The following LRP1B variants were observed in gnomAD, a reference collection of about 807,000 sequenced individuals.
LRP1B encodes LDL receptor related protein 1B.
In LRP1B, 217 loss-of-function variants were observed where a neutral mutation model predicts 556.6. The ratio of observed to expected loss-of-function variants is 0.39; its 90% CI spans 0.35 to 0.44. LRP1B has a LOEUF of 0.44. Among genes scored for constraint, LRP1B ranks in the 20% least tolerant of loss-of-function variants. LRP1B has a pLI of 1.00. For missense variants in LRP1B, 5,053 were observed against 5,620.8 expected (o/e 0.90, Z 3.23); for synonymous variants, 2,047 against 1,865.8 (o/e 1.10, Z -2.50).
chr2:140,561,309 A>G (rs988317293), intron 43 of LRP1B, among the ~76,000 whole-genome samples: 1 of 152,150 alleles, frequency 6.6e-6, no homozygotes, highest in African/African-American at 2.4e-5. Flanking sequence ...ACAGAATCCA[A>G]AAAGAATCTG....
chr2:141,253,743 C>T (rs535537203), intron 4 of LRP1B, among the ~76,000 whole-genome samples: 1 of 152,000 alleles, frequency 6.6e-6, no homozygotes, highest in South Asian at 2.1e-4. Context: ...TTATTAGTGG[C>T]TCTGGCAATG....
chr2:140,974,374 T>C (rs7588680), intron 18 of LRP1B, among the ~76,000 whole-genome samples: 111,866 of 152,148 alleles, frequency 0.74, 41,670 homozygotes, highest in Admixed American at 0.79. Context: ...AGTCTCTAAT[T>C]CTGTGAGAAT....
chr2:141,087,948 G>T (rs974158612), intron 7 of LRP1B, among the ~76,000 whole-genome samples: 1 of 152,224 alleles, frequency 6.6e-6, no homozygotes, highest in Admixed American at 6.5e-5. Context: ...GAAGCTAGAA[G>T]AAATTAAGTG....
chr2:140,760,121 T>C (rs80119935), intron 35 of LRP1B, among the ~76,000 whole-genome samples: 1,726 of 152,238 alleles, frequency 0.011, 44 homozygotes, highest in African/African-American at 0.039. Context: ...AAAAGCTAGG[T>C]ACTAATGAAA....
At chr2:141,218,198 C>T (rs578250603) in intron 6 of LRP1B, among the ~76,000 whole-genome samples, 1 of 152,220 alleles carries the variant, frequency 6.6e-6, no homozygotes, top group Non-Finnish European at 1.5e-5. Flanking sequence ...ATTGTAAATT[C>T]GTTCAGCCAC....
chr2:142,028,459 T>C (rs1703579493), intron 1 of LRP1B, among the ~76,000 whole-genome samples: 1 of 151,982 alleles, frequency 6.6e-6, no homozygotes, highest in Non-Finnish European at 1.5e-5. Flanking sequence ...TCTGGCTTCT[T>C]TCACTTAGCT....
chr2:140,393,137 C>T (rs1026377268), intron 66 of LRP1B, among the ~76,000 whole-genome samples: 2 of 137,926 alleles, frequency 1.5e-5, no homozygotes, highest in Non-Finnish European at 3.3e-5. Context: ...TCTAAGTTTC[C>T]CATTCTACAT....
intron 18 of LRP1B, among the ~76,000 whole-genome samples, chr2:140,954,793 G>T (rs1338607323): frequency 2.0e-5 from 3 of 151,892 alleles, no homozygotes; most frequent in Non-Finnish European, 4.4e-5. Context: ...TATATCATAT[G>T]TGATTAATTT....
At chr2:141,952,933 T>C (rs769447466) in intron 1 of LRP1B, among the ~76,000 whole-genome samples, 1 of 152,130 alleles carries the variant, frequency 6.6e-6, no homozygotes, top group Non-Finnish European at 1.5e-5. Flanking sequence ...AGAAGATTTT[T>C]TACCGTGTAT....
intron 2 of LRP1B, among the ~76,000 whole-genome samples, chr2:141,784,853 T>C (rs1383821126): frequency 1.3e-5 from 2 of 152,008 alleles, no homozygotes; most frequent in East Asian, 3.9e-4. Context: ...TTTTCTTAAT[T>C]CTTGCCCAAT....
Position 141,304,496 on chromosome 2 carries a change from T to G in LRP1B, c.344-49855A>C, listed in dbSNP as rs566224716. The stretch of plus-strand genomic sequence containing the variant: ...ATTCATTTTTTTTTTTTTTTTTTTT[T>G]TGAGATGGAGTCTCGTTCTGCCACC... On this transcript the variant is annotated intron_variant, in intron 3 of 90. Transcript: ENST00000389484. Among the ~76,000 whole-genome samples, 54 of 98,494 alleles carry G rather than the reference T, an allele frequency of 5.5e-4. 1 individual carries two copies. In the South Asian group the frequency reaches 0.018, roughly 32 times the overall value. The allele number at this position is 98,494 out of a possible 152,430, so 64.6% of individuals were successfully genotyped here.
chr2:140,444,975 G>C (rs868372411), intron 63 of LRP1B, among the ~76,000 whole-genome samples: 2 of 152,196 alleles, frequency 1.3e-5, no homozygotes, highest in South Asian at 2.1e-4. Flanking sequence ...TTAATGAAAT[G>C]ATATTGAGAG....
Position 141,510,236 on chromosome 2 carries a change from C to CACACACACACACA in LRP1B, c.206-29704_206-29703insTGTGTGTGTGTGT, listed in dbSNP as rs1553524111. ...CACACACACACACACACACACACAC[C>CACACACACACACA]CCCCACAGTCATTTGATGATATTTC... is the stretch of plus-strand genomic sequence containing the variant. On this transcript the variant is annotated intron_variant, in intron 2 of 90. Transcript: ENST00000389484. 2.9e-3 allele frequency among the ~76,000 whole-genome samples: 381 copies of CACACACACACACA among 132,240 alleles called. 4 individuals are homozygous for CACACACACACACA. The highest frequency in any genetic ancestry group is 8.3e-3 in the African/African-American group (305 of 36,730). 86.8% of individuals were successfully genotyped at this position (132,240 alleles called of 152,430 possible). A position where few individuals can be genotyped will look rare whatever the true frequency, so the allele number is the denominator to read the frequency against.
chr2:140,897,198 T>G (rs2105213111), intron 23 of LRP1B, among the ~76,000 whole-genome samples: 1 of 152,276 alleles, frequency 6.6e-6, no homozygotes, highest in East Asian at 1.9e-4. Flanking sequence ...ATCTTAACAG[T>G]GAGAAATCAT....
intron 86 of LRP1B, among the ~76,000 whole-genome samples, chr2:140,267,716 C>CA (rs1480413621): frequency 3.3e-5 from 5 of 151,878 alleles, no homozygotes; most frequent in Non-Finnish European, 5.9e-5. Flanking sequence ...ATTGTATACA[C>CA]ATTATGCCCA....
chr2:141,045,453 A>G (rs1392148163), intron 11 of LRP1B, among the ~76,000 whole-genome samples: 1 of 151,602 alleles, frequency 6.6e-6, no homozygotes. Flanking sequence ...AATTAATTAA[A>G]AAAAAAAGAA....
intron 1 of LRP1B, among the ~76,000 whole-genome samples, chr2:142,008,657 C>T (rs1702867608): frequency 6.6e-6 from 1 of 151,474 alleles, no homozygotes; most frequent in South Asian, 2.1e-4. Context: ...CTGGCTGTTT[C>T]TGACTAACTG....
intron 2 of LRP1B, among the ~76,000 whole-genome samples, chr2:141,535,386 T>C (rs1022000370): frequency 6.6e-6 from 1 of 152,062 alleles, no homozygotes; most frequent in Admixed American, 6.6e-5. Context: ...AAATAAAAGG[T>C]AGCACAGAGG....
intron 53 of LRP1B, among the ~76,000 whole-genome samples, chr2:140,505,845 T>C (rs138600164): frequency 3.9e-5 from 6 of 152,340 alleles, no homozygotes; most frequent in African/African-American, 1.2e-4. Flanking sequence ...AGCTTTTCAT[T>C]ACATATATTT....
Sources: allele counts gnomAD v4.1 joint callset (sites outside exome capture counted in the v4.1 genomes callset), GRCh38; gene constraint gnomAD v4.1.1; transcripts MANE v1.5; gene names NCBI Gene and HGNC (gene_info 2026-07-23, HGNC 2026-07-21).